Variants in PLD5 observed in about 807,000 individuals in gnomAD.
PLD5 encodes the protein inactive phospholipase D5.
A neutral mutation model predicts 61.1 loss-of-function variants in PLD5; 36 were observed. The observed-to-expected ratio is 0.59, with a 90% CI of 0.45 to 0.78. The LOEUF (loss-of-function observed/expected upper bound fraction) is 0.78, where lower values mean the gene tolerates loss of function less well. PLD5 is among the 30% of genes least tolerant of loss of function. PLD5 has a pLI of 0.00. For synonymous variants in PLD5, 243 were observed against 242.8 expected (o/e 1.00, Z -0.01); for missense variants, 515 against 644.4 (o/e 0.80, Z 2.17).
chr1:242,253,609 G>A (rs557604028), intron 4 of PLD5, among the ~76,000 whole-genome samples: 56 of 152,210 alleles, frequency 3.7e-4, no homozygotes, highest in African/African-American at 1.3e-3. Flanking sequence ...CACCGCGCCC[G>A]GCCGCTTCAC....
chr1:242,476,702 C>G (rs1237050279), intron 1 of PLD5, among the ~76,000 whole-genome samples: 1 of 152,174 alleles, frequency 6.6e-6, no homozygotes, highest in African/African-American at 2.4e-5. Context: ...TGGTATAGAT[C>G]AAGGCCAGAC....
At chr1:242,102,017 C>T (rs1271605741) in intron 8 of PLD5, among the ~76,000 whole-genome samples, 1 of 152,160 alleles carries the variant, frequency 6.6e-6, no homozygotes, top group Non-Finnish European at 1.5e-5. Flanking sequence ...CAGTTCCTGT[C>T]TTCTGTAAAA....
intron 4 of PLD5, among the ~76,000 whole-genome samples, chr1:242,232,254 C>A (rs138634082): frequency 9.9e-5 from 15 of 152,078 alleles, no homozygotes; most frequent in African/African-American, 2.2e-4. Flanking sequence ...AAATAACATA[C>A]GAAGATTAAC....
chr1:242,181,397 G>T (rs1435361859), intron 5 of PLD5, among the ~76,000 whole-genome samples: 1 of 152,120 alleles, frequency 6.6e-6, no homozygotes, highest in Non-Finnish European at 1.5e-5. Context: ...GGATTTAGGA[G>T]ACTTAGTATC....
intron 2 of PLD5, among the ~76,000 whole-genome samples, chr1:242,297,363 A>AGG (rs1675730729): frequency 6.7e-6 from 1 of 148,992 alleles, no homozygotes; most frequent in African/African-American, 2.5e-5. Context: ...AAAAAAAAAA[A>AGG]AAAGGAAAGC....
intron 5 of PLD5, among the ~76,000 whole-genome samples, chr1:242,146,867 A>G (rs1207500699): frequency 6.6e-6 from 1 of 152,196 alleles, no homozygotes; most frequent in Non-Finnish European, 1.5e-5. Context: ...GCCTTTTCTA[A>G]AATTCTGTGC....
intron 4 of PLD5, among the ~76,000 whole-genome samples, chr1:242,231,517 T>C (rs976343593): frequency 6.6e-6 from 1 of 152,180 alleles, no homozygotes; most frequent in African/African-American, 2.4e-5. Flanking sequence ...GATTCTGAGA[T>C]GACAAACCTA....
intron 1 of PLD5, among the ~76,000 whole-genome samples, chr1:242,514,567 A>G (rs2103005255): frequency 6.6e-6 from 1 of 152,288 alleles, no homozygotes; most frequent in South Asian, 2.1e-4. Flanking sequence ...AAACCTTCAC[A>G]TGTACCCGCC....
At chr1:242,489,746 T>G (rs1056406711) in intron 1 of PLD5, among the ~76,000 whole-genome samples, 1 of 152,182 alleles carries the variant, frequency 6.6e-6, no homozygotes, top group Non-Finnish European at 1.5e-5. Context: ...AGCCAGAAAG[T>G]ATTCAGGGCA....
chr1:242,117,827 C>T (rs1398836098), intron 6 of PLD5, among the ~76,000 whole-genome samples: 1 of 152,162 alleles, frequency 6.6e-6, no homozygotes, highest in Admixed American at 6.6e-5. Flanking sequence ...GTATGTTACT[C>T]ATTTTCCTAT....
chr1:242,425,358 T>C (rs545092355), intron 1 of PLD5, among the ~76,000 whole-genome samples: 4 of 152,230 alleles, frequency 2.6e-5, no homozygotes, highest in East Asian at 1.9e-4. Context: ...TATAACACAA[T>C]GGTAAGGATT....
chr1:242,460,868 G>A (rs944299007), intron 1 of PLD5, among the ~76,000 whole-genome samples: 3 of 151,204 alleles, frequency 2.0e-5, no homozygotes, highest in African/African-American at 7.3e-5. Context: ...GGCCAGGCAC[G>A]GTGGCTCATG....
At chr1:242,242,020 C>T (rs1464175786) in intron 4 of PLD5, among the ~76,000 whole-genome samples, 4 of 145,202 alleles carry the variant, frequency 2.8e-5, no homozygotes, top group African/African-American at 1.0e-4. Flanking sequence ...TAGACACACA[C>T]ACACACACAC....
chr1:242,497,830 C>A (rs559287938), intron 1 of PLD5, among the ~76,000 whole-genome samples: 2 of 152,260 alleles, frequency 1.3e-5, no homozygotes, highest in South Asian at 2.1e-4. Flanking sequence ...CCAAGCACTG[C>A]GGAAGGAAGG....
chr1:242,319,092 A>G (rs1393136126), intron 2 of PLD5, among the ~76,000 whole-genome samples: 1 of 152,140 alleles, frequency 6.6e-6, no homozygotes, highest in African/African-American at 2.4e-5. Context: ...AGCCTAACTT[A>G]CAGTTCCCAG....
chr1:242,230,847 T>A (rs1378262131), intron 4 of PLD5, among the ~76,000 whole-genome samples: 1 of 152,222 alleles, frequency 6.6e-6, no homozygotes, highest in Non-Finnish European at 1.5e-5. Flanking sequence ...GGTTTGGACC[T>A]ACAAGGGTGG....
chr1:242,120,152 G>T (rs957914603), intron 6 of PLD5, among the ~76,000 whole-genome samples: 1 of 152,086 alleles, frequency 6.6e-6, no homozygotes, highest in African/African-American at 2.4e-5. Context: ...GTAGACTGCT[G>T]GTTGCCAGGG....
intron 1 of PLD5, among the ~76,000 whole-genome samples, chr1:242,376,548 A>G: frequency 6.6e-6 from 1 of 152,200 alleles, no homozygotes; most frequent in Non-Finnish European, 1.5e-5. Context: ...AAATCCAAAC[A>G]TACAAAATGG....
intron 5 of PLD5, among the ~76,000 whole-genome samples, chr1:242,173,340 C>G (rs1666885899): frequency 6.6e-6 from 1 of 152,146 alleles, no homozygotes; most frequent in African/African-American, 2.4e-5. Flanking sequence ...ATCCAACTTA[C>G]AAGGGATGTG....
Sources: gnomAD v4.1 joint callset for allele counts (sites outside exome capture counted in the v4.1 genomes callset) on GRCh38, gnomAD v4.1.1 for gene constraint, MANE v1.5 for transcripts, NCBI Gene and HGNC (gene_info 2026-07-23, HGNC 2026-07-21) for gene names.